The following DGKB variants were observed in gnomAD, a reference collection of about 807,000 sequenced individuals.
DGKB encodes the protein 90 kDa diacylglycerol kinase.
DGKB carries 67 observed loss-of-function variants against 114.3 expected under a neutral mutation model. That is an observed-to-expected ratio of 0.59 (90% CI 0.48 to 0.72). The LOEUF is 0.72. Ranked by LOEUF, DGKB falls within the 30% of genes least tolerant of loss-of-function variation. The pLI is 0.00. For missense variants in DGKB, 907 were observed against 975.2 expected (o/e 0.93, Z 0.93); for synonymous variants, 398 against 323.1 (o/e 1.23, Z -2.49).
intron 21 of DGKB, among the ~76,000 whole-genome samples, chr7:14,366,683 A>G (rs540079915): frequency 2.6e-5 from 4 of 152,304 alleles, no homozygotes; most frequent in Non-Finnish European, 4.4e-5. Context: ...AATTCAACAC[A>G]TAAGATGAAC....
intron 16 of DGKB, among the ~76,000 whole-genome samples, chr7:14,609,176 G>A (rs1805066809): frequency 6.6e-6 from 1 of 151,948 alleles, no homozygotes; most frequent in African/African-American, 2.4e-5. Flanking sequence ...AAAACTGCAT[G>A]GTACTGGTAT....
chr7:14,956,585 G>A (rs1002196878), intron 1 of DGKB, among the ~76,000 whole-genome samples: 2 of 151,972 alleles, frequency 1.3e-5, no homozygotes, highest in Non-Finnish European at 2.9e-5. Context: ...CATTCTATTA[G>A]TATCAAAGAG....
chr7:14,785,586 A>C (rs1033991736), intron 2 of DGKB, among the ~76,000 whole-genome samples: 1 of 152,222 alleles, frequency 6.6e-6, no homozygotes, highest in Non-Finnish European at 1.5e-5. Context: ...ATTCCTTAGA[A>C]CCGAATTAAA....
intron 23 of DGKB, among the ~76,000 whole-genome samples, chr7:14,199,606 T>C (rs1182446762): frequency 6.6e-6 from 1 of 152,066 alleles, no homozygotes; most frequent in Non-Finnish European, 1.5e-5. Flanking sequence ...AAATAGATGA[T>C]GCCCAGGTGT....
Position 14,478,148 on chromosome 7 carries a change from T to A in DGKB, c.1835+13A>T. 6.3e-7 allele frequency: 1 copy of A among 1,577,092 alleles called. No homozygotes were observed. The stretch of plus-strand genomic sequence containing the variant: ...CAACTATATCTATAATTTCATCTCT[T>A]TTGTCACCTTACCTACTGTTGAATT... On this transcript the variant is annotated intron_variant, in intron 21 of 25. Coordinates refer to ENST00000402815, the MANE Select transcript of DGKB (RefSeq NM_001350709.2).
intron 21 of DGKB, among the ~76,000 whole-genome samples, chr7:14,363,669 CTT>C (rs1000099781): frequency 2.6e-5 from 4 of 151,854 alleles, no homozygotes; most frequent in African/African-American, 9.7e-5. Context: ...AGTAGCAGCT[CTT>C]ATATTAAAAA....
intron 6 of DGKB, among the ~76,000 whole-genome samples, chr7:14,710,710 T>C (rs955280736): frequency 8.5e-5 from 13 of 152,130 alleles, no homozygotes; most frequent in African/African-American, 2.4e-4. Context: ...TACAGTTGTT[T>C]TGTTTTTAAT....
At chr7:14,468,599 A>T (rs1780827691) in intron 21 of DGKB, among the ~76,000 whole-genome samples, 1 of 150,062 alleles carries the variant, frequency 6.7e-6, no homozygotes, top group Non-Finnish European at 1.5e-5. Flanking sequence ...TATTGTTGTC[A>T]GCTTATAAGG....
chr7:14,248,109 G>A (rs13239887), intron 23 of DGKB, among the ~76,000 whole-genome samples: 1 of 151,878 alleles, frequency 6.6e-6, no homozygotes, highest in African/African-American at 2.4e-5. Flanking sequence ...AGGAGACTAT[G>A]ATTTCCTGAT....
intron 23 of DGKB, among the ~76,000 whole-genome samples, chr7:14,194,346 C>A (rs146681044): frequency 6.6e-6 from 1 of 151,992 alleles, no homozygotes; most frequent in Non-Finnish European, 1.5e-5. Context: ...AAATATACAC[C>A]GTAGAATATT....
chr7:14,792,840 A>G (rs941789173), intron 2 of DGKB, among the ~76,000 whole-genome samples: 1 of 151,922 alleles, frequency 6.6e-6, no homozygotes, highest in African/African-American at 2.4e-5. Flanking sequence ...GTATCTCATA[A>G]TACTAGTCCC....
At chr7:14,808,528 A>T (rs972045901) in intron 2 of DGKB, among the ~76,000 whole-genome samples, 1 of 152,108 alleles carries the variant, frequency 6.6e-6, no homozygotes, top group African/African-American at 2.4e-5. Context: ...AGTTTCAAGG[A>T]TAGAATAAGG....
intron 13 of DGKB, among the ~76,000 whole-genome samples, chr7:14,667,487 T>G (rs1398850632): frequency 6.6e-6 from 1 of 152,098 alleles, no homozygotes; most frequent in Admixed American, 6.6e-5. Context: ...CACTTTGTAT[T>G]AACTGAGTCT....
chr7:14,567,598 T>C (rs1797772240), intron 20 of DGKB, among the ~76,000 whole-genome samples: 1 of 118,280 alleles, frequency 8.5e-6, no homozygotes, highest in Non-Finnish European at 1.7e-5. Flanking sequence ...AATAAAGATA[T>C]ATATATATAT....
intron 23 of DGKB, among the ~76,000 whole-genome samples, chr7:14,325,831 T>A (rs1322249802): frequency 6.6e-6 from 1 of 152,206 alleles, no homozygotes; most frequent in Non-Finnish European, 1.5e-5. Context: ...CCCCTTCACC[T>A]CTGTGGTAAA....
intron 1 of DGKB, among the ~76,000 whole-genome samples, chr7:14,868,034 G>C (rs980543950): frequency 1.3e-5 from 2 of 152,142 alleles, no homozygotes; most frequent in Non-Finnish European, 2.9e-5. Context: ...TCAGACCGGC[G>C]TGGATTGAAT....
intron 21 of DGKB, among the ~76,000 whole-genome samples, chr7:14,468,976 GATA>G (rs1311408160): frequency 1.3e-5 from 2 of 152,126 alleles, no homozygotes; most frequent in East Asian, 3.9e-4. Context: ...GCATGGAAAT[GATA>G]ATAATAAAAT....
chr7:14,733,694 A>G (rs1367130730), intron 5 of DGKB, among the ~76,000 whole-genome samples: 1 of 151,866 alleles, frequency 6.6e-6, no homozygotes, highest in East Asian at 1.9e-4. Context: ...AGAAAGAACA[A>G]AAGAACGAAA....
intron 5 of DGKB, among the ~76,000 whole-genome samples, chr7:14,734,275 G>T (rs1244048616): frequency 6.6e-6 from 1 of 151,752 alleles, no homozygotes; most frequent in Non-Finnish European, 1.5e-5. Context: ...TCCTGACCTT[G>T]TGATCTGTCC....
Sources: allele counts gnomAD v4.1 joint callset (sites outside exome capture counted in the v4.1 genomes callset), GRCh38; gene constraint gnomAD v4.1.1; transcripts MANE v1.5; gene names NCBI Gene and HGNC (gene_info 2026-07-23, HGNC 2026-07-21).